Variants in STK3 observed in about 807,000 individuals in gnomAD.
STK3 encodes serine/threonine kinase 3, also known as serine/threonine-protein kinase 3.
Under a neutral mutation model 58.0 loss-of-function variants are expected in STK3, and 41 were observed. That is an observed-to-expected ratio of 0.71 (90% CI 0.55 to 0.92). The LOEUF is 0.92. Ranked by LOEUF, STK3 falls within the 40% of genes least tolerant of loss-of-function variation. The probability of loss-of-function intolerance (pLI) is 0.00; values close to 1 mark genes in which losing one functional copy is unlikely to be tolerated. For missense variants in STK3, 479 were observed against 602.7 expected (o/e 0.79, Z 2.15); for synonymous variants, 170 against 191.0 (o/e 0.89, Z 0.91).
chr8:98,551,495 T>C (rs1811166970), intron 8 of STK3, among the ~76,000 whole-genome samples: 1 of 152,054 alleles, frequency 6.6e-6, no homozygotes, highest in Admixed American at 6.6e-5. Context: ...CCCTGACAAA[T>C]GGAGCAAGGG....
intron 3 of STK3, chr8:98,429,552 G>T (rs1169091165): frequency 2.5e-5 from 16 of 630,246 alleles, no homozygotes; most frequent in Non-Finnish European, 4.4e-5. Context: ...ATGCACCCAG[G>T]TTTCTTTTAC....
At chr8:98,714,918 T>C (rs928371154) in intron 4 of STK3, among the ~76,000 whole-genome samples, 3 of 152,146 alleles carry the variant, frequency 2.0e-5, no homozygotes, top group African/African-American at 7.2e-5. Context: ...AGCATGGTAC[T>C]GGTACCAAAA....
intron 10 of STK3, among the ~76,000 whole-genome samples, chr8:98,467,661 A>C (rs1397183056): frequency 6.6e-6 from 1 of 152,022 alleles, no homozygotes; most frequent in African/African-American, 2.4e-5. Context: ...TGTTTAATTA[A>C]TATTACTACA....
intron 10 of STK3, among the ~76,000 whole-genome samples, chr8:98,521,450 CTATAT>C (rs1170105896): frequency 1.3e-5 from 2 of 151,656 alleles, no homozygotes; most frequent in African/African-American, 4.8e-5. Flanking sequence ...AATTTTATTC[CTATAT>C]TATTTTAAGC....
intron 3 of STK3, among the ~76,000 whole-genome samples, chr8:98,834,154 A>G (rs1339131853): frequency 2.0e-5 from 3 of 152,250 alleles, no homozygotes; most frequent in Non-Finnish European, 4.4e-5. Flanking sequence ...ACCAGACACC[A>G]TAAGCCACAC....
intron 4 of STK3, among the ~76,000 whole-genome samples, chr8:98,745,587 G>A (rs1048304223): frequency 1.3e-5 from 2 of 151,904 alleles, no homozygotes; most frequent in African/African-American, 2.4e-5. Context: ...AAAAAGAAGA[G>A]GTAAGCCTAG....
At chr8:98,714,471 A>G (rs1048678152) in intron 4 of STK3, among the ~76,000 whole-genome samples, 1 of 152,202 alleles carries the variant, frequency 6.6e-6, no homozygotes, top group Non-Finnish European at 1.5e-5. Context: ...AATCATAAGC[A>G]TTTTTATACA....
intron 6 of STK3, among the ~76,000 whole-genome samples, chr8:98,675,638 G>A (rs1009749255): frequency 1.3e-5 from 2 of 152,122 alleles, no homozygotes; most frequent in African/African-American, 2.4e-5. Flanking sequence ...CGAGGTGGGT[G>A]GATCACGAGG....
chr8:98,661,699 T>G (rs1821977478), intron 6 of STK3, among the ~76,000 whole-genome samples: 1 of 151,858 alleles, frequency 6.6e-6, no homozygotes, highest in South Asian at 2.1e-4. Context: ...AGTATTAGAA[T>G]CACCACATAC....
intron 10 of STK3, among the ~76,000 whole-genome samples, chr8:98,487,211 T>C (rs1379714092): frequency 6.6e-6 from 1 of 152,110 alleles, no homozygotes; most frequent in Non-Finnish European, 1.5e-5. Context: ...ATAAATTCAA[T>C]GAGAAGTATA....
chr8:98,769,238 T>C (rs1442112192), intron 2 of STK3, among the ~76,000 whole-genome samples: 1 of 152,216 alleles, frequency 6.6e-6, no homozygotes, highest in Non-Finnish European at 1.5e-5. Context: ...TAGATGTTGA[T>C]ATGGTTTGGC....
intron 2 of STK3, among the ~76,000 whole-genome samples, chr8:98,772,502 C>G (rs1831380073): frequency 6.6e-6 from 1 of 152,044 alleles, no homozygotes. Context: ...AGTTCAAGAC[C>G]AGCCTGGCCA....
At chr8:98,355,503 G>A in the STK3 span, among the ~76,000 whole-genome samples, 2 of 152,236 alleles carry the variant, frequency 1.3e-5, no homozygotes, top group Non-Finnish European at 2.9e-5. Flanking sequence ...GGGCTGTGTA[G>A]TACCTACATG....
At chr8:98,545,950 A>G (rs1810664247) in intron 9 of STK3, among the ~76,000 whole-genome samples, 3 of 152,194 alleles carry the variant, frequency 2.0e-5, no homozygotes, top group Admixed American at 2.0e-4. Context: ...TACTACTGCT[A>G]TACTACAATA....
rs575992922 is a variant in STK3, at chr8:98,649,574, T to A, written c.685-53405A>T. On this transcript the variant is annotated intron_variant, in intron 6 of 10. Coordinates refer to ENST00000419617, the MANE Select transcript of STK3 (RefSeq NM_006281.4). ...CATGATTATCATTTTCCCATTGAGC[T>A]CAAATTTTCACATTTATCATATTAA... is the stretch of plus-strand genomic sequence containing the variant. 2.6e-5 allele frequency among the ~76,000 whole-genome samples: 4 copies of A among 152,340 alleles called. No individual in the cohort carries two copies. In the East Asian group the frequency reaches 7.7e-4, roughly 29 times the overall value.
chr8:98,366,354 C>T (rs1421667321), downstream of STK3, among the ~76,000 whole-genome samples: 2 of 152,048 alleles, frequency 1.3e-5, no homozygotes, highest in Admixed American at 1.3e-4. Flanking sequence ...TAAAGAAATT[C>T]TTTATATTTT....
chr8:98,921,239 G>A (rs1839546667), intron 1 of STK3: 1 of 151,582 alleles, frequency 6.6e-6, no homozygotes, highest in East Asian at 1.9e-4. Context: ...TCTATCTTCA[G>A]GGTCTGGCTC....
intron 9 of STK3, among the ~76,000 whole-genome samples, chr8:98,538,676 C>A (rs958973333): frequency 6.6e-6 from 1 of 152,098 alleles, no homozygotes; most frequent in Non-Finnish European, 1.5e-5. Flanking sequence ...TCTTCCAAGG[C>A]CTGTACAGGA....
intron 7 of STK3, among the ~76,000 whole-genome samples, chr8:98,592,672 T>C (rs140621613): frequency 1.3e-5 from 2 of 152,220 alleles, no homozygotes; most frequent in African/African-American, 2.4e-5. Flanking sequence ...GTGTTGTAAG[T>C]ACCTCTGTTT....
Sources: gnomAD v4.1 joint callset for allele counts (sites outside exome capture counted in the v4.1 genomes callset) on GRCh38, gnomAD v4.1.1 for gene constraint, MANE v1.5 for transcripts, NCBI Gene and HGNC (gene_info 2026-07-23, HGNC 2026-07-21) for gene names.